Variants in PDZD8 observed in about 807,000 individuals in gnomAD.
PDZD8 encodes the protein PDZ domain containing 8, also known as PDZ domain-containing protein 8.
A neutral mutation model predicts 85.8 loss-of-function variants in PDZD8; 14 were observed. The ratio of observed to expected loss-of-function variants is 0.16; its 90% CI spans 0.11 to 0.26. PDZD8 has a LOEUF of 0.26. Among genes scored for constraint, PDZD8 ranks in the 10% least tolerant of loss-of-function variants. The pLI is 1.00. For synonymous variants in PDZD8, 592 were observed against 568.6 expected (o/e 1.04, Z -0.59); for missense variants, 1,197 against 1,424.3 (o/e 0.84, Z 2.57).
rs1490551344 is a variant in PDZD8, at chr10:117,279,260, C to T, written c.*4008G>A. On this transcript the variant is annotated 3_prime_UTR_variant, in exon 5 of 5. Coordinates refer to ENST00000334464, the MANE Select transcript of PDZD8 (RefSeq NM_173791.5). ...AAAATGTACATACCAGAACAAAGAA[C>T]ATACAGCTCTCTGAACATTTATTTT... The T allele has an allele frequency of 6.6e-6, 1 of 152,086 alleles. No individual in the cohort carries two copies. The highest frequency in any genetic ancestry group is 1.5e-5 in the Non-Finnish European group (1 of 68,024). 9.4% of individuals were successfully genotyped at this position (152,086 alleles called of 1,614,324 possible).
intron 1 of PDZD8, among the ~76,000 whole-genome samples, chr10:117,366,951 C>T (rs1159626611): frequency 6.6e-6 from 1 of 152,172 alleles, no homozygotes; most frequent in Non-Finnish European, 1.5e-5. Context: ...TTAGCCCCAC[C>T]CTGCTCATAT....
At chr10:117,369,315 T>C (rs2133892571) in intron 1 of PDZD8, among the ~76,000 whole-genome samples, 1 of 151,530 alleles carries the variant, frequency 6.6e-6, no homozygotes, top group African/African-American at 2.4e-5. Context: ...TGTGCCACCA[T>C]GCCCAGCTAA....
chr10:117,285,261 C>A lies in PDZD8; in HGVS notation c.1472G>T (p.Ser491Ile). ...EAAGLTVDTESRELDSEFEDL... is the reference protein window; with the variant it reads ...EAAGLTVDTEIRELDSEFEDL... ...TTCAAATTCAGAATCCAGCTCTCTACTTTCAGTATCTACTGTCAACCCGGC... is the reference window on the plus strand; with the variant it reads ...TTCAAATTCAGAATCCAGCTCTCTAATTTCAGTATCTACTGTCAACCCGGC... The change falls in exon 5 of 5, where the codon AGT becomes ATT. Residue 491 changes from serine (S) to isoleucine (I), a missense_variant. Coordinates refer to ENST00000334464, the MANE Select transcript of PDZD8 (RefSeq NM_173791.5). 1.2e-6 allele frequency: 2 copies of A among 1,614,188 alleles called. No individual in the cohort carries two copies. The highest frequency in any genetic ancestry group is 1.7e-6 in the Non-Finnish European group (2 of 1,180,026).
chr10:117,283,979 A>T lies in PDZD8; in HGVS notation c.2754T>A (p.Pro918=), dbSNP rs764425177. ...ACTTGCTAGCTTCAGCATCAACACG[A>T]GGAGGCAGGCCTAAGAGGGTTTCCT... The part of the protein sequence containing the change: ...EGQETLLGLP[P]RVDAEASKSV... Residue 918 remains proline (P), a synonymous_variant, in exon 5 of 5, where the codon CCT becomes CCA. Coordinates refer to ENST00000334464, the MANE Select transcript of PDZD8 (RefSeq NM_173791.5). 5 of 1,614,102 alleles carry T rather than the reference A, an allele frequency of 3.1e-6. No individual in the cohort carries two copies. Among genetic ancestry groups the T allele is most frequent in the Non-Finnish European group, 4.2e-6 (5 of 1,180,036 alleles).
At chr10:117,336,691 G>A (rs958738496) in intron 2 of PDZD8, among the ~76,000 whole-genome samples, 27 of 151,930 alleles carry the variant, frequency 1.8e-4, no homozygotes, top group African/African-American at 6.3e-4. Flanking sequence ...TCCATCTTGA[G>A]GGGGTTCCTA....
chr10:117,333,119 A>AAAAAAAC (rs1844453545), intron 2 of PDZD8, among the ~76,000 whole-genome samples: 8 of 79,042 alleles, frequency 1.0e-4, no homozygotes, highest in Non-Finnish European at 1.6e-4. Flanking sequence ...CTCTGTCTCA[A>AAAAAAAC]AAAAAAAAAA....
intron 1 of PDZD8, among the ~76,000 whole-genome samples, chr10:117,344,427 G>A (rs184278352): frequency 6.6e-4 from 100 of 152,118 alleles, no homozygotes; most frequent in South Asian, 4.2e-3. Context: ...TCAATTTGTC[G>A]CCCAGGCTGG....
At chr10:117,299,980 G>C (rs1843818134) in intron 3 of PDZD8, among the ~76,000 whole-genome samples, 1 of 152,082 alleles carries the variant, frequency 6.6e-6, no homozygotes, top group East Asian at 1.9e-4. Context: ...TAAAACAACA[G>C]AACCACCACT....
chr10:117,328,788 CATAA>C (rs1325982893), intron 2 of PDZD8, among the ~76,000 whole-genome samples: 1 of 152,080 alleles, frequency 6.6e-6, no homozygotes, highest in Non-Finnish European at 1.5e-5. Context: ...ATTCATGAAT[CATAA>C]ATAAAAGCCA....
In PDZD8 at chr10:117,283,330, T is replaced by C. The variant is rs1490647840; in HGVS notation, c.3403A>G (p.Ile1135Val). 4 of 1,613,978 alleles carry C rather than the reference T, an allele frequency of 2.5e-6. No homozygotes were observed. Among genetic ancestry groups the C allele is most frequent in the Non-Finnish European group, 3.4e-6 (4 of 1,180,014 alleles). ...ATGCTGCTGAATGGCTGAGAGTCTA[T>C]TAGTTGGCTTATTTCATTATCAAGG... The part of the protein sequence containing the change: ...EDLDNEISQL[I>V]DSQPFSSISD... Residue 1135 changes from isoleucine to valine, a missense_variant, in exon 5 of 5, where the codon ATA becomes GTA. By Grantham distance (29) the Ile-to-Val change is conservative. This residue lies in a region of PDZD8 where 418 missense variants were observed against 571.1 expected (regional missense o/e 0.73). Transcript: ENST00000334464.
intron 2 of PDZD8, among the ~76,000 whole-genome samples, chr10:117,320,685 T>G (rs1280379576): frequency 6.6e-6 from 1 of 152,086 alleles, no homozygotes; most frequent in African/African-American, 2.4e-5. Flanking sequence ...ATAAACTGGA[T>G]TCCACCAAAG....
In PDZD8 at chr10:117,277,492, G is replaced by T; in HGVS notation, c.*5776C>A. 3.4e-6 allele frequency: 1 copy of T among 293,452 alleles called. No homozygotes were observed. The highest frequency in any genetic ancestry group is 6.2e-6 in the Non-Finnish European group (1 of 160,086). The allele number at this position is 293,452 out of a possible 1,614,324, so 18.2% of individuals were successfully genotyped here. A position where few individuals can be genotyped will look rare whatever the true frequency, so the allele number is the denominator to read the frequency against. On this transcript the variant is annotated 3_prime_UTR_variant, in exon 5 of 5. Coordinates refer to ENST00000334464, the MANE Select transcript of PDZD8 (RefSeq NM_173791.5). ...AAATAGTGTTGAAACTTTATTTTAT[G>T]TATTTAATTTTATTAAATATCATAC...
intron 1 of PDZD8, among the ~76,000 whole-genome samples, chr10:117,373,240 G>A (rs1845223760): frequency 6.6e-6 from 1 of 152,056 alleles, no homozygotes; most frequent in Admixed American, 6.5e-5. Flanking sequence ...ATCAGATGCT[G>A]GAAGGCTTAA....
At chr10:117,357,766 C>CAAAAAAAAAAAAAAAAAAAAA (rs767138640) in intron 1 of PDZD8, among the ~76,000 whole-genome samples, 1 of 47,468 alleles carries the variant, frequency 2.1e-5, no homozygotes, top group Non-Finnish European at 3.7e-5. Context: ...ACTTCATCTC[C>CAAAAAAAAAAAAAAAAAAAAA]AAAAAAAAAA....
chr10:117,361,876 A>C (rs1471368667), intron 1 of PDZD8, among the ~76,000 whole-genome samples: 2 of 152,176 alleles, frequency 1.3e-5, no homozygotes, highest in African/African-American at 4.8e-5. Flanking sequence ...TGTATTAGGC[A>C]TTATAAGTAA....
rs770208120 is a variant in PDZD8 at position 117,374,738 on chromosome 10, G to A, written c.490C>T (p.Arg164Trp). Residue 164 changes from arginine (R) to tryptophan (W), a missense_variant, in exon 1 of 5, where the codon CGG (arginine) becomes TGG (tryptophan). Transcript: ENST00000334464. The surrounding 1 kb of genome is among the most constrained non-coding windows in gnomAD (Gnocchi z 7.8). ...VPFIKTIRLV[R>W]PVVPSATGEP... ...CCGGTGGCCGAGGGCACGACTGGCC[G>A]CACGAGCCGGATGGTCTTGATGAAG... 6.2e-7 allele frequency: 1 copy of A among 1,611,272 alleles called. No homozygotes were observed. Among genetic ancestry groups the A allele is most frequent in the Non-Finnish European group, 8.5e-7 (1 of 1,179,344 alleles).
intron 2 of PDZD8, among the ~76,000 whole-genome samples, chr10:117,339,128 CAAAAAAAAA>C (rs71013660): frequency 0.026 from 3,361 of 129,394 alleles, 113 homozygotes; most frequent in African/African-American, 0.085. Context: ...TGGACTTAAC[CAAAAAAAAA>C]AAAAAAAAAA....
chr10:117,321,252 C>A (rs1179503667), intron 2 of PDZD8, among the ~76,000 whole-genome samples: 1 of 152,074 alleles, frequency 6.6e-6, no homozygotes, highest in African/African-American at 2.4e-5. Flanking sequence ...AAATATCCAT[C>A]AAATGATGAG....
At chr10:117,309,079 G>A (rs1843991699) in intron 3 of PDZD8, among the ~76,000 whole-genome samples, 2 of 152,120 alleles carry the variant, frequency 1.3e-5, no homozygotes, top group Non-Finnish European at 2.9e-5. Flanking sequence ...ATTTTTATAG[G>A]AAGGTGCTAC....
Sources: gnomAD v4.1 joint callset for allele counts (sites outside exome capture counted in the v4.1 genomes callset) on GRCh38, gnomAD v4.1.1 for gene constraint, gnomAD v4.1.1 regional missense constraint, Gnocchi (gnomAD v3.1) non-coding constraint, MANE v1.5 for transcripts, NCBI Gene and HGNC (gene_info 2026-07-23, HGNC 2026-07-21) for gene names.